The following IL16 variants were observed in gnomAD, a reference collection of about 807,000 sequenced individuals.
IL16 encodes the protein pro-interleukin-16.
A neutral mutation model predicts 110.1 loss-of-function variants in IL16; 67 were observed. The ratio of observed to expected loss-of-function variants is 0.61; its 90% confidence interval spans 0.50 to 0.75. The LOEUF (loss-of-function observed/expected upper bound fraction) is 0.75, where lower values mean the gene tolerates loss of function less well. IL16 is among the 30% of genes least tolerant of loss of function. IL16 has a pLI of 0.00. For missense variants in IL16, 1,545 were observed against 1,655.0 expected, an observed-to-expected ratio of 0.93 and a Z score of 1.15; for synonymous variants, 689 against 662.9, an observed-to-expected ratio of 1.04 and a Z score of -0.61.
At chr15:81,194,282 A>G (rs1363816017), upstream of IL16, among the ~76,000 whole-genome samples, 4 of 152,192 alleles carry the variant, frequency 2.6e-5, no homozygotes, top group Non-Finnish European at 5.9e-5. Context: ...TTATTTTGCC[A>G]TTGTTTGAAC....
rs1900370940 is a variant in IL16, at chr15:81,303,042, T to TGTGC, written c.3319-505_3319-504insGCGT. On this transcript the variant is annotated intron_variant, in intron 15 of 18. Coordinates refer to ENST00000683961, the MANE Select transcript of IL16 (RefSeq NM_172217.5). The surrounding 1 kb of genome is among the most constrained non-coding windows in gnomAD (Gnocchi z 4.1). ...GTGTGTGTGTGTGTGTGTGTGTGTG[T>TGTGC]GTCACACTTGCACACTGTGCATTGG... is the stretch of plus-strand genomic sequence containing the variant. Among the ~76,000 whole-genome samples, 2 of 147,014 alleles carry TGTGC rather than the reference T, an allele frequency of 1.4e-5. No individual in the cohort carries two copies. The highest frequency in any genetic ancestry group is 1.4e-4 in the Admixed American group (2 of 14,566).
intron 3 of IL16, among the ~76,000 whole-genome samples, chr15:81,260,517 C>G (rs1019951109): frequency 9.9e-5 from 15 of 152,246 alleles, no homozygotes; most frequent in African/African-American, 3.6e-4. Context: ...AACCAACTCC[C>G]TATTATTAGA....
chr15:81,280,548 C>A (rs1418997480), intron 8 of IL16, among the ~76,000 whole-genome samples: 2 of 152,102 alleles, frequency 1.3e-5, no homozygotes, highest in African/African-American at 4.8e-5. Context: ...GGAGAATGGC[C>A]CATAGTGTGA....
At chr15:81,269,740 A>AGTCCTATTC in intron 5 of IL16, 92 bp downstream of exon 5, 3 of 872,650 alleles carry the variant, frequency 3.4e-6, no homozygotes, top group Non-Finnish European at 5.8e-6. Context: ...GAATAGGACT[A>AGTCCTATTC]CTGGGGTGTC....
intron 2 of IL16, among the ~76,000 whole-genome samples, chr15:81,232,042 GTTTTT>G: frequency 1.7e-5 from 1 of 57,694 alleles, no homozygotes; most frequent in African/African-American, 6.4e-5. Context: ...ATTTGTTCTT[GTTTTT>G]TTTTTTTTTT....
At chr15:81,227,804 G>A (rs1896837493) in intron 2 of IL16, among the ~76,000 whole-genome samples, 1 of 152,166 alleles carries the variant, frequency 6.6e-6, no homozygotes, top group Non-Finnish European at 1.5e-5. Context: ...GACTGAGGTG[G>A]TGGTGGTAGA....
intron 18 of IL16, among the ~76,000 whole-genome samples, chr15:81,308,174 A>G (rs1030845217): frequency 6.6e-6 from 1 of 152,164 alleles, no homozygotes; most frequent in African/African-American, 2.4e-5. Context: ...CAAAAATCTC[A>G]CTAGCTCTCT....
intron 1 of IL16, among the ~76,000 whole-genome samples, chr15:81,217,982 C>A (rs1885124406): frequency 6.6e-6 from 1 of 152,072 alleles, no homozygotes; most frequent in Admixed American, 6.6e-5. Context: ...AATGAAAATC[C>A]TGTATTGTCA....
intron 9 of IL16, 130 bp downstream of exon 9, chr15:81,282,886 G>C: frequency 1.3e-6 from 1 of 784,684 alleles, no homozygotes; most frequent in Non-Finnish European, 2.1e-6. Context: ...CAGCCGCTCC[G>C]CCCGCCAGGA....
chr15:81,270,589 T>C (rs571056028), intron 5 of IL16, among the ~76,000 whole-genome samples: 161 of 152,358 alleles, frequency 1.1e-3, no homozygotes, highest in African/African-American at 3.8e-3. Flanking sequence ...CTGTCTTCTA[T>C]GCTGACTTTC....
At chr15:81,281,029 A>T (rs1022029159) in intron 8 of IL16, among the ~76,000 whole-genome samples, 1 of 152,202 alleles carries the variant, frequency 6.6e-6, no homozygotes, top group African/African-American at 2.4e-5. Flanking sequence ...TGTTTGTTCA[A>T]CAAGTTGAGG....
chr15:81,229,137 A>G (rs1896888415), intron 2 of IL16, among the ~76,000 whole-genome samples: 1 of 152,200 alleles, frequency 6.6e-6, no homozygotes, highest in African/African-American at 2.4e-5. Flanking sequence ...TGTGCTAGAC[A>G]GTGTGTAAGA....
chr15:81,272,784 G>A (rs71399449), intron 5 of IL16, among the ~76,000 whole-genome samples: 7 of 152,338 alleles, frequency 4.6e-5, no homozygotes, highest in South Asian at 2.1e-4. Flanking sequence ...GCCAACTGGA[G>A]GGACAGAGCC....
intron 2 of IL16, among the ~76,000 whole-genome samples, chr15:81,236,462 A>T (rs994720806): frequency 1.3e-5 from 2 of 152,184 alleles, no homozygotes; most frequent in Non-Finnish European, 2.9e-5. Flanking sequence ...GCAGGAAGCA[A>T]GGAGGGGCTG....
At chr15:81,232,279 A>C (rs1366055567) in intron 2 of IL16, among the ~76,000 whole-genome samples, 1 of 151,860 alleles carries the variant, frequency 6.6e-6, no homozygotes, top group Non-Finnish European at 1.5e-5. Context: ...ATCGTTACCT[A>C]CCATTTCTGA....
At chr15:81,231,087 C>T (rs2142059326) in intron 2 of IL16, among the ~76,000 whole-genome samples, 1 of 151,966 alleles carries the variant, frequency 6.6e-6, no homozygotes, top group Admixed American at 6.6e-5. Flanking sequence ...GCCTGTAATC[C>T]CAGAATTTTG....
Position 81,303,731 on chromosome 15 carries a change from C to T in IL16, c.3420+81C>T, listed in dbSNP as rs1900412224. ...GGGGACACACTTGCCAGGAAGGGGC[C>T]CTGTGCTGGGGAAATGAAGAATGCA... On this transcript the variant is annotated intron_variant, in intron 16 of 18. Transcript: ENST00000683961. The surrounding 1 kb of genome is among the most constrained non-coding windows in gnomAD (Gnocchi z 4.1). 5.4e-6 allele frequency: 5 copies of T among 931,322 alleles called. No individual in the cohort carries two copies. In the Admixed American group the frequency reaches 7.5e-5, roughly 14 times the overall value. The allele number at this position is 931,322 out of a possible 1,614,324, so 57.7% of individuals were successfully genotyped here.
intron 2 of IL16, among the ~76,000 whole-genome samples, chr15:81,229,296 C>G (rs1476588882): frequency 6.6e-6 from 1 of 151,918 alleles, no homozygotes; most frequent in Non-Finnish European, 1.5e-5. Context: ...GAGGGGCGTC[C>G]TGGGGGAGGT....
rs1218789523 is a variant in IL16 at position 81,313,647 on chromosome 15, C to A, written c.*4849C>A. The A allele has an allele frequency of 1.3e-5, 4 of 317,034 alleles. No individual in the cohort carries two copies. Among genetic ancestry groups the A allele is most frequent in the Admixed American group, 1.0e-4 (2 of 19,868 alleles). 19.6% of individuals were successfully genotyped at this position (317,034 alleles called of 1,614,324 possible). On this transcript the variant is annotated 3_prime_UTR_variant, in exon 19 of 19. Transcript: ENST00000683961. ...GCCTCCAGGGAGGAAGAAGTCCCTA[C>A]TCCCAGCCCAAAAACCCAGTACCCT...
Sources: gnomAD v4.1 joint callset for allele counts (sites outside exome capture counted in the v4.1 genomes callset) on GRCh38, gnomAD v4.1.1 for gene constraint, Gnocchi (gnomAD v3.1) non-coding constraint, MANE v1.5 for transcripts, NCBI Gene and HGNC (gene_info 2026-07-23, HGNC 2026-07-21) for gene names.